Variants in HHAT observed in about 807,000 individuals in gnomAD.
HHAT encodes hedgehog acyltransferase, also known as protein-cysteine N-palmitoyltransferase HHAT.
In HHAT, 47 loss-of-function variants were observed where a neutral mutation model predicts 70.8. The ratio of observed to expected loss-of-function variants is 0.66; its 90% CI spans 0.53 to 0.85. The LOEUF (loss-of-function observed/expected upper bound fraction) is 0.85, where lower values mean the gene tolerates loss of function less well. HHAT is among the 40% of genes least tolerant of loss of function. The pLI, the probability that HHAT is intolerant of heterozygous loss-of-function variation, is 0.00. For missense variants in HHAT, 609 were observed against 604.8 expected (o/e 1.01, Z -0.07); for synonymous variants, 228 against 247.6 (o/e 0.92, Z 0.74).
chr1:210,672,088 T>C (rs1297236131), intron 11 of HHAT, among the ~76,000 whole-genome samples: 6 of 152,356 alleles, frequency 3.9e-5, no homozygotes, highest in Admixed American at 2.6e-4. Context: ...TCCATCCTTA[T>C]AAGGACACTA....
At chr1:210,604,082 T>TTTTTG (rs1344292341) in intron 10 of HHAT, among the ~76,000 whole-genome samples, 4 of 152,156 alleles carry the variant, frequency 2.6e-5, no homozygotes, top group East Asian at 1.9e-4. Flanking sequence ...TAAGATAGTT[T>TTTTTG]TTTTGTTTTG....
At chr1:210,339,177 A>G (rs906049520) in intron 1 of HHAT, among the ~76,000 whole-genome samples, 2 of 152,240 alleles carry the variant, frequency 1.3e-5, no homozygotes, top group East Asian at 1.9e-4. Flanking sequence ...CCAAAAGGCA[A>G]TAGAGACTCC....
At chr1:210,410,508 G>T (rs1367726614) in intron 6 of HHAT, among the ~76,000 whole-genome samples, 1 of 137,602 alleles carries the variant, frequency 7.3e-6, no homozygotes, top group African/African-American at 2.8e-5. Flanking sequence ...CTTTTGCTGT[G>T]TTGTTTATTT....
At chr1:210,616,964 T>A (rs1296319375) in intron 10 of HHAT, among the ~76,000 whole-genome samples, 1 of 152,256 alleles carries the variant, frequency 6.6e-6, no homozygotes, top group Non-Finnish European at 1.5e-5. Flanking sequence ...ATTGGGTGAC[T>A]GACTTTGCTA....
intron 11 of HHAT, among the ~76,000 whole-genome samples, chr1:210,645,193 A>T (rs1355478752): frequency 6.6e-6 from 1 of 152,200 alleles, no homozygotes; most frequent in East Asian, 1.9e-4. Flanking sequence ...CGTCACACCT[A>T]GCTGCCTCCC....
At chr1:210,540,491 G>A (rs914880039) in intron 9 of HHAT, among the ~76,000 whole-genome samples, 45 of 119,964 alleles carry the variant, frequency 3.8e-4, no homozygotes, top group Middle Eastern at 9.8e-3. Flanking sequence ...GCACACACAC[G>A]CACACACACA....
chr1:210,623,805 C>A, intron 11 of HHAT, 135 bp downstream of exon 11: 2 of 941,108 alleles, frequency 2.1e-6, no homozygotes, highest in South Asian at 1.7e-5. Flanking sequence ...TCTAAAGTAC[C>A]AGCCAGGAAT....
chr1:210,561,664 A>T (rs1470427473), intron 9 of HHAT, among the ~76,000 whole-genome samples: 1 of 152,242 alleles, frequency 6.6e-6, no homozygotes, highest in African/African-American at 2.4e-5. Context: ...CTAATTGACA[A>T]ATAATAATTG....
intron 9 of HHAT, among the ~76,000 whole-genome samples, chr1:210,556,702 G>A (rs2095576144): frequency 6.6e-6 from 1 of 152,202 alleles, no homozygotes; most frequent in South Asian, 2.1e-4. Flanking sequence ...AGCTCTTTGA[G>A]TTGGAGACTG....
intron 11 of HHAT, among the ~76,000 whole-genome samples, chr1:210,640,753 G>A (rs1364802395): frequency 2.0e-5 from 3 of 151,732 alleles, no homozygotes; most frequent in Non-Finnish European, 4.4e-5. Context: ...ACAAGGAAAT[G>A]GGAGGCTTAA....
At chr1:210,453,141 C>T (rs568437338) in intron 7 of HHAT, among the ~76,000 whole-genome samples, 27 of 152,298 alleles carry the variant, frequency 1.8e-4, no homozygotes, top group Non-Finnish European at 2.6e-4. Context: ...AGACATTTGA[C>T]GTCTGATCCT....
At chr1:210,418,127 G>C (rs373824180) in intron 6 of HHAT, 27 bp from the exon 7 acceptor site, 1 of 1,612,372 alleles carries the variant, frequency 6.2e-7, no homozygotes, top group East Asian at 2.2e-5. Context: ...AGGCACCATC[G>C]AATGACCTCT....
At chr1:210,519,967 C>A (rs2095127954) in intron 9 of HHAT, among the ~76,000 whole-genome samples, 1 of 151,444 alleles carries the variant, frequency 6.6e-6, no homozygotes, top group African/African-American at 2.4e-5. Context: ...ATTTGTATAT[C>A]TTCCTTTGAG....
chr1:210,520,793 C>T (rs1416823186), intron 9 of HHAT, among the ~76,000 whole-genome samples: 1 of 152,028 alleles, frequency 6.6e-6, no homozygotes, highest in Non-Finnish European at 1.5e-5. Flanking sequence ...ATTTCAAATA[C>T]ATATTTTGAA....
At position 210,450,851 on chromosome 1, in the gene HHAT, T is replaced by C. The variant is rs1043048726; in HGVS notation, c.857-13654T>C. ...GGGTGGTGTTAAGTTTTGTTAAAAG[T>C]GCGGGCAGATCACGAGGTCAGGAGA... On this transcript the variant is annotated intron_variant, in intron 7 of 11. Transcript: ENST00000261458. Among the ~76,000 whole-genome samples, 4 of 152,022 alleles carry C rather than the reference T, an allele frequency of 2.6e-5. No individual in the cohort carries two copies. In the East Asian group the frequency reaches 7.8e-4, roughly 30 times the overall value.
intron 10 of HHAT, among the ~76,000 whole-genome samples, chr1:210,595,487 G>C (rs1482196254): frequency 6.6e-6 from 1 of 152,174 alleles, no homozygotes; most frequent in Non-Finnish European, 1.5e-5. Context: ...ACCCAGTAAT[G>C]GGATGGCTGG....
chr1:210,554,334 C>G (rs952067651), intron 9 of HHAT, among the ~76,000 whole-genome samples: 1 of 152,174 alleles, frequency 6.6e-6, no homozygotes, highest in African/African-American at 2.4e-5. Flanking sequence ...AGGGTTGTAA[C>G]CTCAGTTTGC....
chr1:210,651,589 A>G (rs1675171693), intron 11 of HHAT, among the ~76,000 whole-genome samples: 1 of 152,182 alleles, frequency 6.6e-6, no homozygotes, highest in Non-Finnish European at 1.5e-5. Flanking sequence ...CTCAGACCCC[A>G]AGGGAGGTGA....
rs998669839 is a variant in HHAT, at chr1:210,362,842, T to C, written c.92-10T>C. The C allele has an allele frequency of 1.9e-6, 3 of 1,612,942 alleles. No individual in the cohort carries two copies. In the Admixed American group the frequency reaches 5.0e-5, roughly 27 times the overall value. The stretch of plus-strand genomic sequence containing the variant: ...TTTGTGACTAACGAAGACTTTTTTT[T>C]TTTGGTCAGAACACGAAGAGGAGCT... On this transcript the variant is annotated splice_polypyrimidine_tract_variant and intron_variant, in intron 2 of 11. Coordinates refer to ENST00000261458, the MANE Select transcript of HHAT (RefSeq NM_018194.6).
Sources: gnomAD v4.1 joint callset for allele counts (sites outside exome capture counted in the v4.1 genomes callset) on GRCh38, gnomAD v4.1.1 for gene constraint, MANE v1.5 for transcripts, NCBI Gene and HGNC (gene_info 2026-07-23, HGNC 2026-07-21) for gene names.